Variants in ARL3 observed in about 807,000 individuals in gnomAD.
ARL3 encodes ADP-ribosylation factor-like protein 3.
Under a neutral mutation model 26.0 loss-of-function variants are expected in ARL3, and 9 were observed. The ratio of observed to expected loss-of-function variants is 0.35; its 90% CI spans 0.21 to 0.60. ARL3 has a LOEUF of 0.60. ARL3 is among the 20% of genes least tolerant of loss of function. The pLI is 0.78. For synonymous variants in ARL3, 71 were observed against 78.4 expected (o/e 0.91, Z 0.50); for missense variants, 158 against 215.7 (o/e 0.73, Z 1.67).
intron 5 of ARL3, among the ~76,000 whole-genome samples, chr10:102,684,011 C>T (rs912354182): frequency 6.6e-6 from 1 of 152,180 alleles, no homozygotes; most frequent in Non-Finnish European, 1.5e-5. Context: ...GCTTTTTCTT[C>T]AACACTCTGG....
chr10:102,713,753 C>G (rs540485811), intron 1 of ARL3, among the ~76,000 whole-genome samples: 7 of 152,330 alleles, frequency 4.6e-5, no homozygotes, highest in Admixed American at 3.3e-4. Context: ...TCCCTACCCC[C>G]CAGGGGCCCG....
chr10:102,678,688 T>C (rs1364794585), intron 5 of ARL3, among the ~76,000 whole-genome samples: 1 of 152,196 alleles, frequency 6.6e-6, no homozygotes, highest in Non-Finnish European at 1.5e-5. Context: ...GCTTTATGGC[T>C]GATTAAGGAG....
chr10:102,706,299 A>C (rs2064311129), intron 1 of ARL3, among the ~76,000 whole-genome samples: 1 of 152,004 alleles, frequency 6.6e-6, no homozygotes, highest in South Asian at 2.1e-4. Context: ...AAAATATAAA[A>C]AATTAGTCGG....
intron 1 of ARL3, among the ~76,000 whole-genome samples, chr10:102,707,953 G>T (rs550278789): frequency 8.6e-5 from 13 of 151,978 alleles, no homozygotes; most frequent in Admixed American, 2.6e-4. Flanking sequence ...TTCCTCTGTG[G>T]CCTAGGCTGG....
At chr10:102,688,109 G>A (rs564705773) in intron 4 of ARL3, among the ~76,000 whole-genome samples, 1 of 152,248 alleles carries the variant, frequency 6.6e-6, no homozygotes, top group East Asian at 1.9e-4. Flanking sequence ...TGATATTTAG[G>A]TTATAGGTTG....
intron 3 of ARL3, among the ~76,000 whole-genome samples, chr10:102,691,441 T>C (rs2064216898): frequency 6.6e-6 from 1 of 152,128 alleles, no homozygotes; most frequent in Non-Finnish European, 1.5e-5. Flanking sequence ...TCACAACTCT[T>C]GAACGCTCCT....
At chr10:102,697,379 A>G (rs903009418) in intron 3 of ARL3, among the ~76,000 whole-genome samples, 10 of 152,152 alleles carry the variant, frequency 6.6e-5, no homozygotes, top group African/African-American at 2.4e-4. Flanking sequence ...CAGTTTCACC[A>G]TCTTGGCCAG....
intron 5 of ARL3, among the ~76,000 whole-genome samples, chr10:102,681,653 A>T (rs2064156763): frequency 6.6e-6 from 1 of 152,052 alleles, no homozygotes; most frequent in South Asian, 2.1e-4. Flanking sequence ...TCACAAGAAA[A>T]GGTGAGCATG....
At chr10:102,709,783 A>G (rs2064328768) in intron 1 of ARL3, among the ~76,000 whole-genome samples, 1 of 152,148 alleles carries the variant, frequency 6.6e-6, no homozygotes, top group South Asian at 2.1e-4. Context: ...CTGTAATCCC[A>G]GCACTTCGGG....
chr10:102,686,866 CTTTTTTTTTTTTT>C (rs59400726), intron 4 of ARL3, among the ~76,000 whole-genome samples: 1 of 59,632 alleles, frequency 1.7e-5, no homozygotes, highest in East Asian at 4.8e-4. Flanking sequence ...CAGGAATTTA[CTTTTTTTTTTTTT>C]TTTTTTTTTT....
intron 3 of ARL3, among the ~76,000 whole-genome samples, chr10:102,694,544 T>C (rs1282491912): frequency 2.0e-5 from 3 of 152,298 alleles, no homozygotes; most frequent in South Asian, 4.1e-4. Context: ...ATTCTTTTTT[T>C]TTTGCATGTC....
chr10:102,710,340 A>C (rs1008737042), intron 1 of ARL3, among the ~76,000 whole-genome samples: 4 of 152,208 alleles, frequency 2.6e-5, no homozygotes, highest in Admixed American at 6.6e-5. Flanking sequence ...GAGGATATTT[A>C]TAGAGATCAG....
chr10:102,693,250 T>C (rs2064229200), intron 3 of ARL3, among the ~76,000 whole-genome samples: 1 of 152,236 alleles, frequency 6.6e-6, no homozygotes, highest in African/African-American at 2.4e-5. Flanking sequence ...ATGTTTAGCT[T>C]TGTAAGAAAC....
chr10:102,692,638 A>G (rs1216952790), intron 3 of ARL3, among the ~76,000 whole-genome samples: 1 of 151,488 alleles, frequency 6.6e-6, no homozygotes, highest in Non-Finnish European at 1.5e-5. Context: ...CTGGCCTCGA[A>G]CTCCTGACCT....
At position 102,686,002 on chromosome 10, in the gene ARL3, C is replaced by CTGGATTT. The variant is rs755402499; in HGVS notation, c.316-8_316-2dup. 6.2e-7 allele frequency: 1 copy of CTGGATTT among 1,611,586 alleles called. No individual in the cohort carries two copies. On this transcript the variant is annotated splice_acceptor_variant, in intron 4 of 5. Coordinates refer to ENST00000260746, the MANE Select transcript of ARL3 (RefSeq NM_004311.4). LOFTEE classifies it high-confidence loss of function. ...CTTCCTCCAGTAATTCCGCTAGTTC[C>CTGGATTT]TGGATTTTGAGAAGGGAGAGGGAGG...
rs1356524322 is a variant in ARL3, at chr10:102,713,076, AG to A, written c.3+1196del. Among the ~76,000 whole-genome samples the A allele has an allele frequency of 6.6e-4, 38 of 57,364 alleles. 1 individual carries two copies. The highest frequency in any genetic ancestry group is 1.8e-3 in the African/African-American group (32 of 18,068). The allele number at this position is 57,364 out of a possible 152,430, so 37.6% of individuals were successfully genotyped here. A position where few individuals can be genotyped will look rare whatever the true frequency, so the allele number is the denominator to read the frequency against. The stretch of plus-strand genomic sequence containing the variant: ...CTATTTTTTTTTTTCCTGGGCATCT[AG>A]TTTTTTTGTTTTTTTTTTTACTTCT... On this transcript the variant is annotated intron_variant, in intron 1 of 5. Coordinates refer to ENST00000260746, the MANE Select transcript of ARL3 (RefSeq NM_004311.4).
chr10:102,705,807 G>A (rs796300592), intron 1 of ARL3, among the ~76,000 whole-genome samples: 7 of 152,168 alleles, frequency 4.6e-5, no homozygotes, highest in African/African-American at 1.4e-4. Flanking sequence ...CATACACTTA[G>A]AGCAGAACAT....
chr10:102,688,344 A>G (rs1325939829), intron 4 of ARL3, among the ~76,000 whole-genome samples: 1 of 152,192 alleles, frequency 6.6e-6, no homozygotes, highest in Non-Finnish European at 1.5e-5. Flanking sequence ...TCATCAGGGT[A>G]TGGAAGGGTG....
intron 1 of ARL3, among the ~76,000 whole-genome samples, chr10:102,706,345 G>A (rs1288330459): frequency 6.6e-6 from 1 of 151,962 alleles, no homozygotes; most frequent in Non-Finnish European, 1.5e-5. Flanking sequence ...CCACCTACTC[G>A]AAATGCTGAG....
Sources: gnomAD v4.1 joint callset for allele counts (sites outside exome capture counted in the v4.1 genomes callset) on GRCh38, gnomAD v4.1.1 for gene constraint, MANE v1.5 for transcripts, NCBI Gene and HGNC (gene_info 2026-07-23, HGNC 2026-07-21) for gene names.